RERGL: variants seen among roughly 807,000 people sequenced by gnomAD.
The protein encoded by RERGL is RERG like.
Under a neutral mutation model 24.7 loss-of-function variants are expected in RERGL, and 22 were observed. That is an observed-to-expected ratio of 0.89 (90% CI 0.64 to 1.27). The LOEUF (loss-of-function observed/expected upper bound fraction) is 1.27. Among genes scored for constraint, RERGL ranks in the 50% most tolerant of loss-of-function variants. The pLI, the probability that RERGL is intolerant of heterozygous loss-of-function variation, is 0.00. For synonymous variants in RERGL, 76 were observed against 82.6 expected (o/e 0.92, Z 0.43); for missense variants, 259 against 235.3 (o/e 1.10, Z -0.66).
intron 4 of RERGL, among the ~76,000 whole-genome samples, chr12:18,082,139 CA>C (rs748522518): frequency 1.6e-3 from 171 of 109,798 alleles, no homozygotes; most frequent in Non-Finnish European, 2.8e-3. Flanking sequence ...GACTTTGTCT[CA>C]ACCAAAAAAA....
At chr12:18,082,830 C>T (rs1024653708) in intron 4 of RERGL, among the ~76,000 whole-genome samples, 3 of 152,156 alleles carry the variant, frequency 2.0e-5, no homozygotes, top group Non-Finnish European at 4.4e-5. Flanking sequence ...TCCAACTCTC[C>T]TGTTTAAGAA....
At chr12:18,083,653 C>G (rs1056817281) in intron 4 of RERGL, among the ~76,000 whole-genome samples, 1 of 152,076 alleles carries the variant, frequency 6.6e-6, no homozygotes, top group African/African-American at 2.4e-5. Context: ...GGGAAATACA[C>G]TTTATCAATT....
At chr12:18,081,511 T>A in intron 4 of RERGL, 38 bp from the exon 5 acceptor site, 1 of 1,410,714 alleles carries the variant, frequency 7.1e-7, no homozygotes, top group Non-Finnish European at 9.5e-7. Context: ...AAGATTGTTT[T>A]AACAACTCTT....
Position 18,085,557 on chromosome 12 carries a change from T to A in RERGL, c.183+63A>T, listed in dbSNP as rs560808344. On this transcript the variant is annotated intron_variant, in intron 3 of 4. Transcript: ENST00000538724. ...CACTTACCCCCATATAATCTTCAAA[T>A]CATAATTGCTAAAAAATCAATCAAT... The A allele has an allele frequency of 4.9e-4, 572 of 1,161,454 alleles. 4 individuals carry two copies. Among genetic ancestry groups the A allele is most frequent in the South Asian group, 4.3e-3 (321 of 74,830 alleles). 71.9% of individuals were successfully genotyped at this position (1,161,454 alleles called of 1,614,324 possible).
chr12:18,084,899 T>C (rs556869762), intron 3 of RERGL, among the ~76,000 whole-genome samples: 14 of 152,332 alleles, frequency 9.2e-5, no homozygotes, highest in Admixed American at 6.5e-4. Flanking sequence ...TTATAACTTT[T>C]CCGGAAGAAA....
chr12:18,085,671 C>A lies in RERGL; in HGVS notation c.132G>T (p.Leu44Phe). The A allele has an allele frequency of 6.2e-7, 1 of 1,601,244 alleles. No individual in the cohort carries two copies. Among genetic ancestry groups the A allele is most frequent in the Middle Eastern group, 1.7e-4 (1 of 6,026 alleles). The change falls in exon 3 of 5, where the codon TTG (leucine) becomes TTT (phenylalanine). Residue 44 changes from leucine to phenylalanine, a missense_variant. Transcript: ENST00000538724. ...GATTTAGTTGTTTCCTTTCCAAACA[C>A]AAGTGCTTCTTATAGATAGATTCTG... is the stretch of plus-strand genomic sequence containing the variant. ...SNFESIYKKH[L>F]CLERKQLNLE...
intron 2 of RERGL, 104 bp downstream of exon 2, chr12:18,088,796 G>C (rs1196155354): frequency 2.6e-6 from 2 of 769,696 alleles, no homozygotes; most frequent in Non-Finnish European, 4.6e-6. Flanking sequence ...TGTTTCATAT[G>C]CATAAAAATG....
intron 4 of RERGL, among the ~76,000 whole-genome samples, chr12:18,082,832 G>A (rs1947186346): frequency 6.6e-6 from 1 of 152,086 alleles, no homozygotes; most frequent in South Asian, 2.1e-4. Context: ...CAACTCTCCT[G>A]TTTAAGAAAT....
At chr12:18,082,877 T>A (rs1947186658) in intron 4 of RERGL, among the ~76,000 whole-genome samples, 1 of 152,202 alleles carries the variant, frequency 6.6e-6, no homozygotes, top group Non-Finnish European at 1.5e-5. Flanking sequence ...TCTGAAAATA[T>A]CAGTATGTCT....
At chr12:18,089,216 T>A (rs776146707) in intron 1 of RERGL, 8 of 1,603,212 alleles carry the variant, frequency 5.0e-6, no homozygotes, top group Admixed American at 1.7e-5. Flanking sequence ...CACAAAAACA[T>A]AAGGCCACTT....
intron 2 of RERGL, 41 bp from the exon 3 acceptor site, chr12:18,085,734 C>A: frequency 8.8e-7 from 1 of 1,136,028 alleles, no homozygotes; most frequent in South Asian, 1.3e-5. Context: ...TGAAAATACT[C>A]CAAACGTGAA....
chr12:18,085,171 C>T (rs1212909089), intron 3 of RERGL, among the ~76,000 whole-genome samples: 1 of 152,088 alleles, frequency 6.6e-6, no homozygotes, highest in Admixed American at 6.6e-5. Context: ...TTTTCTCTTA[C>T]GTGTATAATC....
chr12:18,085,943 C>A (rs1238989403), intron 2 of RERGL, among the ~76,000 whole-genome samples: 1 of 150,162 alleles, frequency 6.7e-6, no homozygotes, highest in Non-Finnish European at 1.5e-5. Flanking sequence ...CCGCAAGCTC[C>A]GCCTCCTGGG....
rs1056994190 is a variant in RERGL at position 18,080,938 on chromosome 12, C to T, written c.*253G>A. 9.9e-5 allele frequency: 29 copies of T among 293,876 alleles called. No individual in the cohort carries two copies. Among genetic ancestry groups the T allele is most frequent in the Middle Eastern group, 9.2e-4 (1 of 1,088 alleles). 18.2% of individuals were successfully genotyped at this position (293,876 alleles called of 1,614,324 possible). A position where few individuals can be genotyped will look rare whatever the true frequency, so the allele number is the denominator to read the frequency against. On this transcript the variant is annotated 3_prime_UTR_variant, in exon 5 of 5. Coordinates refer to ENST00000538724, the MANE Select transcript of RERGL (RefSeq NM_001286201.2). Reference sequence around the variant, plus strand: ...GGCAAGGCAAACTGGGATCGCTGTCCGCCAGTAGGTTAGGGTGAGTGTGAT... The same window carrying T: ...GGCAAGGCAAACTGGGATCGCTGTCTGCCAGTAGGTTAGGGTGAGTGTGAT...
At chr12:18,084,064 G>A (rs1947196714) in intron 4 of RERGL, among the ~76,000 whole-genome samples, 1 of 152,114 alleles carries the variant, frequency 6.6e-6, no homozygotes, top group Non-Finnish European at 1.5e-5. Context: ...TTTAGAATTT[G>A]TAAACAGTTT....
intron 3 of RERGL, 113 bp downstream of exon 3, chr12:18,085,507 T>A: frequency 1.4e-6 from 1 of 698,060 alleles, no homozygotes. Context: ...ACTTCGGTTT[T>A]AACACCGCAA....
chr12:18,081,673 A>C (rs192064026), intron 4 of RERGL, among the ~76,000 whole-genome samples, 200 bp from the exon 5 acceptor site: 2 of 152,194 alleles, frequency 1.3e-5, no homozygotes, highest in Non-Finnish European at 2.9e-5. Flanking sequence ...AATGTAGTAA[A>C]TGGCACAGAA....
chr12:18,082,417 G>C (rs555588904), intron 4 of RERGL, among the ~76,000 whole-genome samples: 1 of 152,198 alleles, frequency 6.6e-6, no homozygotes, highest in East Asian at 1.9e-4. Context: ...GAAATAATCT[G>C]TACAACAAAC....
chr12:18,088,414 T>C (rs1591712013), intron 2 of RERGL, among the ~76,000 whole-genome samples: 1 of 152,202 alleles, frequency 6.6e-6, no homozygotes, highest in Non-Finnish European at 1.5e-5. Flanking sequence ...TTTTAGAATT[T>C]TTCTACATTT....
Sources: allele counts gnomAD v4.1 joint callset (sites outside exome capture counted in the v4.1 genomes callset), GRCh38; gene constraint gnomAD v4.1.1; transcripts MANE v1.5; gene names NCBI Gene and HGNC (gene_info 2026-07-23, HGNC 2026-07-21).